The following CCNY variants were observed in gnomAD, a reference collection of about 807,000 sequenced individuals.
CCNY encodes the protein cyclin Y.
In CCNY, 19 loss-of-function variants were observed where a neutral mutation model predicts 42.8. That is an observed-to-expected ratio of 0.44 (90% confidence interval 0.31 to 0.65). CCNY has a LOEUF of 0.65. Ranked by LOEUF, CCNY falls within the 30% of genes least tolerant of loss-of-function variation. The probability of loss-of-function intolerance (pLI) is 0.07; values close to 1 mark genes in which losing one functional copy is unlikely to be tolerated. For synonymous variants in CCNY, 165 were observed against 162.7 expected (o/e 1.01, Z -0.11); for missense variants, 370 against 437.3 (o/e 0.85, Z 1.37).
At chr10:35,502,302 C>G (rs1390290250) in intron 3 of CCNY, among the ~76,000 whole-genome samples, 2 of 152,150 alleles carry the variant, frequency 1.3e-5, no homozygotes, top group Non-Finnish European at 2.9e-5. Context: ...TGTAAATTAT[C>G]AAAATAAGTA....
At chr10:35,268,058 G>T (rs773648681) in intron 3 of CCNY, among the ~76,000 whole-genome samples, 1 of 152,066 alleles carries the variant, frequency 6.6e-6, no homozygotes, top group African/African-American at 2.4e-5. Context: ...CCAAGTAGCT[G>T]GGATTATAAG....
chr10:35,259,351 G>C (rs2095717713), intron 3 of CCNY, among the ~76,000 whole-genome samples: 1 of 152,032 alleles, frequency 6.6e-6, no homozygotes, highest in Non-Finnish European at 1.5e-5. Context: ...GTAGCTAGGA[G>C]TGCACCACCA....
chr10:35,490,449 A>G (rs1839873170), intron 2 of CCNY, among the ~76,000 whole-genome samples: 1 of 152,250 alleles, frequency 6.6e-6, no homozygotes, highest in Admixed American at 6.5e-5. Context: ...GCTTCTGATC[A>G]TAAATGGCCA....
chr10:35,376,358 A>G (rs1322826659), intron 1 of CCNY, among the ~76,000 whole-genome samples: 4 of 152,252 alleles, frequency 2.6e-5, no homozygotes, highest in African/African-American at 4.8e-5. Flanking sequence ...AAATGTATAC[A>G]CAAATGTACA....
At chr10:35,284,258 C>T (rs1470062820) in intron 3 of CCNY, among the ~76,000 whole-genome samples, 1 of 152,064 alleles carries the variant, frequency 6.6e-6, no homozygotes, top group East Asian at 1.9e-4. Context: ...CAGGTATTCT[C>T]ATTGCCTGGG....
rs183080600 is a variant in CCNY, at chr10:35,414,302, C to T, written c.155-69102C>T. Among the ~76,000 whole-genome samples the T allele has an allele frequency of 2.0e-4, 31 of 152,320 alleles. No individual in the cohort carries two copies. In the East Asian group the frequency reaches 5.8e-3, roughly 28 times the overall value. Reference sequence around the variant, plus strand: ...TCCCCTTCCAAGATCCCTCGCAGAACCTGGGTGCTGGAAGGATTCCATTTC... The same window carrying T: ...TCCCCTTCCAAGATCCCTCGCAGAATCTGGGTGCTGGAAGGATTCCATTTC... On this transcript the variant is annotated intron_variant, in intron 1 of 9. Transcript: ENST00000374704.
At chr10:35,262,256 T>TAAA (rs2095720394) in intron 3 of CCNY, among the ~76,000 whole-genome samples, 2 of 24,570 alleles carry the variant, frequency 8.1e-5, no homozygotes, top group African/African-American at 2.6e-4. Context: ...AAACTCTGTC[T>TAAA]CAAAAAAAAA....
At chr10:35,359,484 CTCTT>C (rs750596906) in intron 1 of CCNY, among the ~76,000 whole-genome samples, 11 of 148,124 alleles carry the variant, frequency 7.4e-5, no homozygotes, top group Admixed American at 6.9e-5. Flanking sequence ...ACCATTTTAA[CTCTT>C]TATTTATTAT....
At chr10:35,381,884 T>C (rs1254199514) in intron 1 of CCNY, among the ~76,000 whole-genome samples, 1 of 152,202 alleles carries the variant, frequency 6.6e-6, no homozygotes, top group Non-Finnish European at 1.5e-5. Flanking sequence ...TGAAACAGAA[T>C]GCAAACCATG....
At chr10:35,462,394 C>G (rs1839175199) in intron 1 of CCNY, among the ~76,000 whole-genome samples, 1 of 152,206 alleles carries the variant, frequency 6.6e-6, no homozygotes, top group Admixed American at 6.5e-5. Context: ...CACTTAGCAT[C>G]TCTGCATCTT....
chr10:35,363,427 G>A (rs1197434344), intron 1 of CCNY, among the ~76,000 whole-genome samples: 1 of 151,336 alleles, frequency 6.6e-6, no homozygotes, highest in Non-Finnish European at 1.5e-5. Context: ...CCAGACGGTG[G>A]GGCTGCCGGG....
chr10:35,537,360 A>G (rs915303832), intron 7 of CCNY, among the ~76,000 whole-genome samples: 1 of 152,232 alleles, frequency 6.6e-6, no homozygotes, highest in South Asian at 2.1e-4. Context: ...GCCCCCACAC[A>G]GAGTCCCTGC....
At chr10:35,513,583 A>G (rs1334386647) in intron 3 of CCNY, among the ~76,000 whole-genome samples, 6 of 152,170 alleles carry the variant, frequency 3.9e-5, no homozygotes, top group Non-Finnish European at 8.8e-5. Flanking sequence ...TACAAATACT[A>G]ATTCATGCAC....
chr10:35,271,072 C>T (rs573504034), intron 3 of CCNY, among the ~76,000 whole-genome samples: 9 of 152,202 alleles, frequency 5.9e-5, no homozygotes, highest in African/African-American at 1.4e-4. Context: ...TCTGGCCTGA[C>T]ATGTAAGGGA....
At chr10:35,519,180 C>T (rs144554816) in intron 4 of CCNY, among the ~76,000 whole-genome samples, 278 of 151,716 alleles carry the variant, frequency 1.8e-3, no homozygotes, top group African/African-American at 6.3e-3. Context: ...GGATTTTTAA[C>T]AGATCTTGAT....
At chr10:35,422,034 A>G (rs1031471738) in intron 1 of CCNY, among the ~76,000 whole-genome samples, 2 of 152,206 alleles carry the variant, frequency 1.3e-5, no homozygotes, top group African/African-American at 2.4e-5. Flanking sequence ...TGAAGTCAGA[A>G]AAGCTGGCTC....
chr10:35,428,234 A>C (rs1043246226), intron 1 of CCNY, among the ~76,000 whole-genome samples: 7 of 152,276 alleles, frequency 4.6e-5, no homozygotes, highest in Admixed American at 1.3e-4. Context: ...CACCCCAATG[A>C]GTGGCAGGTA....
rs769126644 is a variant in CCNY at position 35,530,279 on chromosome 10, C to T, written c.579+36C>T. On this transcript the variant is annotated intron_variant, in intron 7 of 9. Transcript: ENST00000374704. This position sits in a 1 kb window ranked among gnomAD's most constrained non-coding sequence, Gnocchi z 4.3. ...TCAGGATGGCCACACCCATCCCCAGCCGAGGTGGTCCAGGGCCCGTTCCTG... is the reference window on the plus strand; with the variant it reads ...TCAGGATGGCCACACCCATCCCCAGTCGAGGTGGTCCAGGGCCCGTTCCTG... 3 of 1,612,926 alleles carry T rather than the reference C, an allele frequency of 1.9e-6. No homozygotes were observed. The highest frequency in any genetic ancestry group is 2.7e-5 in the African/African-American group (2 of 74,934).
chr10:35,431,672 T>C (rs1838414138), intron 1 of CCNY, among the ~76,000 whole-genome samples: 1 of 152,024 alleles, frequency 6.6e-6, no homozygotes, highest in African/African-American at 2.4e-5. Context: ...TACGTGTTCT[T>C]CCTGCAGAAT....
Sources: allele counts gnomAD v4.1 joint callset (sites outside exome capture counted in the v4.1 genomes callset), GRCh38; gene constraint gnomAD v4.1.1; non-coding constraint Gnocchi (gnomAD v3.1); transcripts MANE v1.5; gene names NCBI Gene and HGNC (gene_info 2026-07-23, HGNC 2026-07-21).